Variants in KCNAB1 observed in about 807,000 individuals in gnomAD.
KCNAB1 encodes voltage-gated potassium channel subunit beta-1.
Under a neutral mutation model 64.6 loss-of-function variants are expected in KCNAB1, and 35 were observed. The observed-to-expected ratio is 0.54, with a 90% CI of 0.41 to 0.72. KCNAB1 has a LOEUF of 0.72. KCNAB1 is among the 30% of genes least tolerant of loss of function. KCNAB1 has a pLI of 0.00. For synonymous variants in KCNAB1, 177 were observed against 183.8 expected, an observed-to-expected ratio of 0.96 and a Z score of 0.30; for missense variants, 401 against 512.9, an observed-to-expected ratio of 0.78 and a Z score of 2.11.
At chr3:156,265,761 G>A (rs532711148) in intron 1 of KCNAB1, among the ~76,000 whole-genome samples, 7 of 152,244 alleles carry the variant, frequency 4.6e-5, no homozygotes, top group Non-Finnish European at 8.8e-5. Flanking sequence ...TTGGGAGTCC[G>A]AGGTGGGCGG....
chr3:156,388,999 G>A (rs768773084), intron 1 of KCNAB1, among the ~76,000 whole-genome samples: 8 of 152,304 alleles, frequency 5.3e-5, no homozygotes, highest in Middle Eastern at 3.4e-3. Context: ...GTTTTGGTAA[G>A]TTCCCTCCCA....
intron 8 of KCNAB1, among the ~76,000 whole-genome samples, chr3:156,475,135 T>G (rs1411124481): frequency 6.6e-6 from 1 of 152,220 alleles, no homozygotes; most frequent in Non-Finnish European, 1.5e-5. Flanking sequence ...GGAAAGGGGC[T>G]TTATAACTCA....
chr3:156,239,824 C>T (rs1010402244), intron 1 of KCNAB1, among the ~76,000 whole-genome samples: 5 of 152,138 alleles, frequency 3.3e-5, no homozygotes, highest in Admixed American at 6.5e-5. Flanking sequence ...TCTTTCATGT[C>T]TCCTGTACCC....
chr3:156,434,871 T>C (rs1009711449), intron 2 of KCNAB1, among the ~76,000 whole-genome samples: 5 of 152,192 alleles, frequency 3.3e-5, no homozygotes, highest in Admixed American at 6.5e-5. Context: ...CCTTCCACAG[T>C]GGCAGGAAGA....
At chr3:156,306,589 A>G (rs918861664) in intron 1 of KCNAB1, among the ~76,000 whole-genome samples, 2 of 152,200 alleles carry the variant, frequency 1.3e-5, no homozygotes, top group East Asian at 1.9e-4. Flanking sequence ...GTCTAAGTCC[A>G]TTACAGAGAG....
chr3:156,490,569 T>A (rs1428153006), intron 8 of KCNAB1, among the ~76,000 whole-genome samples: 1 of 151,978 alleles, frequency 6.6e-6, no homozygotes, highest in African/African-American at 2.4e-5. Context: ...AGAAAAAGAT[T>A]TTACATATTT....
At chr3:156,238,568 C>T (rs749228625) in intron 1 of KCNAB1, among the ~76,000 whole-genome samples, 20 of 151,970 alleles carry the variant, frequency 1.3e-4, no homozygotes, top group Non-Finnish European at 2.6e-4. Context: ...TGATAGAATT[C>T]AAATGATTCT....
chr3:156,238,244 A>C (rs1716959397), intron 1 of KCNAB1, among the ~76,000 whole-genome samples: 1 of 152,048 alleles, frequency 6.6e-6, no homozygotes, highest in African/African-American at 2.4e-5. Flanking sequence ...AACACGGTGA[A>C]ACCCTGTCTC....
intron 1 of KCNAB1, among the ~76,000 whole-genome samples, chr3:156,266,616 C>T (rs1452818077): frequency 2.0e-5 from 3 of 152,224 alleles, no homozygotes; most frequent in Admixed American, 6.5e-5. Context: ...TATTAGAATT[C>T]ACAAAGTCAC....
At chr3:156,238,103 G>A (rs1203026617) in intron 1 of KCNAB1, among the ~76,000 whole-genome samples, 1 of 152,164 alleles carries the variant, frequency 6.6e-6, no homozygotes, top group African/African-American at 2.4e-5. Flanking sequence ...TCCATGGCTG[G>A]CCAAACAGAC....
At chr3:156,456,871 G>C (rs771060128) in intron 3 of KCNAB1, 2 of 154,074 alleles carry the variant, frequency 1.3e-5, no homozygotes, top group Non-Finnish European at 2.9e-5. Flanking sequence ...TTTGCAGGCG[G>C]AACAGTGAGG....
chr3:156,454,059 C>A (rs1324644911), intron 3 of KCNAB1, among the ~76,000 whole-genome samples: 2 of 152,212 alleles, frequency 1.3e-5, no homozygotes, highest in Non-Finnish European at 2.9e-5. Flanking sequence ...TTTAGCAGAT[C>A]TGAGAGAGAA....
intron 1 of KCNAB1, among the ~76,000 whole-genome samples, chr3:156,230,938 C>G (rs1182045499): frequency 6.6e-6 from 1 of 152,148 alleles, no homozygotes; most frequent in East Asian, 1.9e-4. Context: ...GGAGAAACAG[C>G]CTTCAGCCTC....
chr3:156,246,782 A>G (rs1717483455), intron 1 of KCNAB1, among the ~76,000 whole-genome samples: 1 of 152,120 alleles, frequency 6.6e-6, no homozygotes, highest in Non-Finnish European at 1.5e-5. Context: ...TTTGTGAGAT[A>G]ACTGTGGTTT....
intron 1 of KCNAB1, among the ~76,000 whole-genome samples, chr3:156,374,114 T>C (rs545930896): frequency 2.6e-5 from 4 of 152,306 alleles, no homozygotes; most frequent in African/African-American, 7.2e-5. Flanking sequence ...ATTGTGAATA[T>C]TAAATGGGTT....
At chr3:156,198,913 A>ATTTTTTTTTTTTTTTT (rs71138701) in intron 1 of KCNAB1, among the ~76,000 whole-genome samples, 1 of 21,288 alleles carries the variant, frequency 4.7e-5, no homozygotes, top group Non-Finnish European at 9.0e-5. Context: ...TTATATTTTG[A>ATTTTTTTTTTTTTTTT]TTTTTTTTTT....
intron 1 of KCNAB1, among the ~76,000 whole-genome samples, chr3:156,396,395 C>T (rs748111133): frequency 7.9e-5 from 12 of 152,160 alleles, no homozygotes; most frequent in Admixed American, 2.6e-4. Flanking sequence ...AACAGGGCAG[C>T]CACTTTCATC....
chr3:156,182,393 G>T (rs934929191), intron 1 of KCNAB1, among the ~76,000 whole-genome samples: 1 of 152,212 alleles, frequency 6.6e-6, no homozygotes, highest in Non-Finnish European at 1.5e-5. Context: ...AGGAGAGATT[G>T]TGGGGCTTTA....
rs561588263 is a variant in KCNAB1, at chr3:156,191,671, T to TA, written c.275+70791dup. 3.9e-5 allele frequency among the ~76,000 whole-genome samples: 6 copies of TA among 152,168 alleles called. No individual in the cohort carries two copies. The South Asian group carries it at 6.2e-4, about 16-fold the overall frequency. ...ATACTTAAACCACATAGTATTTTTT[T>TA]AAAAAATACTTTCAAAAAAATGTCT... On this transcript the variant is annotated intron_variant, in intron 1 of 13. Coordinates refer to ENST00000490337, the MANE Select transcript of KCNAB1 (RefSeq NM_172160.3).
Sources: allele counts gnomAD v4.1 joint callset (sites outside exome capture counted in the v4.1 genomes callset), GRCh38; gene constraint gnomAD v4.1.1; transcripts MANE v1.5; gene names NCBI Gene and HGNC (gene_info 2026-07-23, HGNC 2026-07-21).